Variants in SLC24A2 observed in about 807,000 individuals in gnomAD.
SLC24A2 encodes sodium/potassium/calcium exchanger 2.
A neutral mutation model predicts 62.0 loss-of-function variants in SLC24A2; 36 were observed. The observed-to-expected ratio is 0.58, with a 90% confidence interval of 0.44 to 0.77. The LOEUF (loss-of-function observed/expected upper bound fraction) is 0.77, where lower values mean the gene tolerates loss of function less well. Among genes scored for constraint, SLC24A2 ranks in the 30% least tolerant of loss-of-function variants. SLC24A2 has a pLI of 0.00. For synonymous variants in SLC24A2, 358 were observed against 294.0 expected (o/e 1.22, Z -2.23); for missense variants, 846 against 817.9 (o/e 1.03, Z -0.42).
chr9:19,879,789 T>C, the SLC24A2 span, among the ~76,000 whole-genome samples: 1 of 152,206 alleles, frequency 6.6e-6, no homozygotes, highest in Non-Finnish European at 1.5e-5. Flanking sequence ...ATTTTCTTGT[T>C]TGCTTAGAGG....
chr9:19,520,769 C>G (rs533041687), intron 10 of SLC24A2, 125 bp downstream of exon 10: 1 of 867,908 alleles, frequency 1.2e-6, no homozygotes, highest in South Asian at 1.4e-5. Context: ...TATTCTCAAT[C>G]TTTACTCTGT....
At chr9:20,276,539 T>C in the SLC24A2 span, among the ~76,000 whole-genome samples, 6 of 152,204 alleles carry the variant, frequency 3.9e-5, no homozygotes, top group Non-Finnish European at 4.4e-5. Context: ...GTGAAAGCTG[T>C]CAGTGGATCT....
chr9:19,831,462 T>C, the SLC24A2 span, among the ~76,000 whole-genome samples: 1 of 152,226 alleles, frequency 6.6e-6, no homozygotes, highest in Admixed American at 6.5e-5. Context: ...TAAGGCCACT[T>C]ATAAGCCATA....
At chr9:19,570,273 T>C (rs1835799906) in intron 7 of SLC24A2, among the ~76,000 whole-genome samples, 1 of 152,246 alleles carries the variant, frequency 6.6e-6, no homozygotes, top group African/African-American at 2.4e-5. Context: ...AACATGACTT[T>C]CCCTTTTAAG....
chr9:19,992,041 G>A, the SLC24A2 span, among the ~76,000 whole-genome samples: 3 of 152,184 alleles, frequency 2.0e-5, no homozygotes, highest in Admixed American at 6.5e-5. Flanking sequence ...CTATGTTGGG[G>A]CAGCATGTCT....
chr9:19,594,910 G>C (rs1024501425), intron 5 of SLC24A2, among the ~76,000 whole-genome samples: 4 of 152,210 alleles, frequency 2.6e-5, no homozygotes, highest in African/African-American at 9.6e-5. Context: ...TTAGGTTTAA[G>C]CCAGACTTGG....
At chr9:20,213,609 G>T in the SLC24A2 span, among the ~76,000 whole-genome samples, 1 of 152,256 alleles carries the variant, frequency 6.6e-6, no homozygotes, top group African/African-American at 2.4e-5. Context: ...TGGAAGAGAA[G>T]ATATAGATAA....
At chr9:20,048,607 C>G in the SLC24A2 span, among the ~76,000 whole-genome samples, 1 of 152,056 alleles carries the variant, frequency 6.6e-6, no homozygotes, top group African/African-American at 2.4e-5. Flanking sequence ...ACATTCAAAA[C>G]AGGGAAGTGA....
At chr9:19,627,377 T>C (rs1170553357) in intron 2 of SLC24A2, among the ~76,000 whole-genome samples, 12 of 151,710 alleles carry the variant, frequency 7.9e-5, no homozygotes, top group Non-Finnish European at 1.8e-4. Context: ...ATGGAAGGAG[T>C]AGAAGAGAAA....
chr9:20,307,692 T>G, the SLC24A2 span, among the ~76,000 whole-genome samples: 2 of 152,164 alleles, frequency 1.3e-5, no homozygotes, highest in East Asian at 1.9e-4. Context: ...CTCGGCCCCT[T>G]TGTTGGTCTT....
At chr9:19,882,538 G>A in the SLC24A2 span, among the ~76,000 whole-genome samples, 7,826 of 151,858 alleles carry the variant, frequency 0.052, 261 homozygotes, top group East Asian at 0.17. Context: ...CTGAAAAGCA[G>A]TAGGCACAAG....
the SLC24A2 span, among the ~76,000 whole-genome samples, chr9:20,287,589 T>A: frequency 6.6e-6 from 1 of 152,200 alleles, no homozygotes; most frequent in African/African-American, 2.4e-5. Context: ...TTTTAACACC[T>A]ACTCTGTGTC....
intron 2 of SLC24A2, among the ~76,000 whole-genome samples, chr9:19,778,963 T>C (rs937974799): frequency 2.0e-5 from 3 of 152,030 alleles, no homozygotes; most frequent in African/African-American, 7.3e-5. Flanking sequence ...CCTAACAGAT[T>C]TGAAAAAGAG....
chr9:20,052,664 C>G, the SLC24A2 span, among the ~76,000 whole-genome samples: 1 of 152,184 alleles, frequency 6.6e-6, no homozygotes, highest in South Asian at 2.1e-4. Context: ...AGGACTCTAC[C>G]TATTCTCCAA....
At chr9:20,303,104 A>C in the SLC24A2 span, among the ~76,000 whole-genome samples, 1 of 151,808 alleles carries the variant, frequency 6.6e-6, no homozygotes, top group South Asian at 2.1e-4. Flanking sequence ...TTTTACTAAG[A>C]TACATAGATA....
At chr9:20,042,721 C>A in the SLC24A2 span, among the ~76,000 whole-genome samples, 1 of 152,330 alleles carries the variant, frequency 6.6e-6, no homozygotes, top group South Asian at 2.1e-4. Flanking sequence ...TTTGTGGCAA[C>A]AATATCTATG....
At chr9:20,281,435 G>C in the SLC24A2 span, among the ~76,000 whole-genome samples, 2 of 152,050 alleles carry the variant, frequency 1.3e-5, no homozygotes, top group African/African-American at 4.8e-5. Flanking sequence ...ATCCAAAACG[G>C]AACATTACCA....
intron 2 of SLC24A2, among the ~76,000 whole-genome samples, chr9:19,688,615 G>C (rs530318330): frequency 6.6e-6 from 1 of 152,102 alleles, no homozygotes; most frequent in African/African-American, 2.4e-5. Context: ...TCCTTAGAAT[G>C]AGTTTTGTTT....
the SLC24A2 span, among the ~76,000 whole-genome samples, chr9:20,241,054 G>C: frequency 6.6e-6 from 1 of 152,172 alleles, no homozygotes. Context: ...TTCTCATTCT[G>C]TTTTAAATTA....
Sources: gnomAD v4.1 joint callset for allele counts (sites outside exome capture counted in the v4.1 genomes callset) on GRCh38, gnomAD v4.1.1 for gene constraint, MANE v1.5 for transcripts, NCBI Gene and HGNC (gene_info 2026-07-23, HGNC 2026-07-21) for gene names.